The following ARHGEF10L variants were observed in gnomAD, a reference collection of about 807,000 sequenced individuals.
ARHGEF10L encodes rho guanine nucleotide exchange factor 10-like protein.
Under a neutral mutation model 141.2 loss-of-function variants are expected in ARHGEF10L, and 69 were observed. The observed-to-expected ratio is 0.49, with a 90% CI of 0.40 to 0.60. The LOEUF is 0.60. Among genes scored for constraint, ARHGEF10L ranks in the 20% least tolerant of loss-of-function variants. The pLI is 0.00. For missense variants in ARHGEF10L, 1,482 were observed against 1,734.3 expected (o/e 0.85, Z 2.58); for synonymous variants, 711 against 718.5 (o/e 0.99, Z 0.17).
chr1:17,590,912 G>A (rs559989653), intron 4 of ARHGEF10L, among the ~76,000 whole-genome samples: 38 of 152,172 alleles, frequency 2.5e-4, no homozygotes, highest in Non-Finnish European at 4.4e-4. Context: ...GCTTGAACCT[G>A]GGAGGTGGAG....
intron 4 of ARHGEF10L, among the ~76,000 whole-genome samples, chr1:17,600,134 C>T (rs1257265871): frequency 6.6e-6 from 1 of 152,260 alleles, no homozygotes; most frequent in African/African-American, 2.4e-5. Flanking sequence ...GGTTCTTCTA[C>T]TTCCCTGCAG....
intron 1 of ARHGEF10L, among the ~76,000 whole-genome samples, chr1:17,572,646 G>A (rs1357388985): frequency 6.6e-6 from 1 of 152,132 alleles, no homozygotes; most frequent in African/African-American, 2.4e-5. Context: ...CCCTGCCTTG[G>A]GTATGTACCC....
At chr1:17,612,939 C>G in intron 7 of ARHGEF10L, 119 bp from the exon 8 acceptor site, 1 of 691,130 alleles carries the variant, frequency 1.4e-6, no homozygotes, top group South Asian at 1.7e-5. Context: ...CCTGCCCGAG[C>G]TGTCCGTCCG....
chr1:17,648,458 GC>G, intron 21 of ARHGEF10L, 95 bp from the exon 22 acceptor site: 5 of 1,498,892 alleles, frequency 3.3e-6, no homozygotes. Flanking sequence ...GGCTTCTGGG[GC>G]CTGCAGTGGC....
chr1:17,574,978 C>T (rs2078163151), intron 1 of ARHGEF10L, among the ~76,000 whole-genome samples: 1 of 152,220 alleles, frequency 6.6e-6, no homozygotes, highest in South Asian at 2.1e-4. Context: ...GGCCGAAGCC[C>T]CACACAAGCA....
intron 26 of ARHGEF10L, among the ~76,000 whole-genome samples, chr1:17,672,101 C>T (rs866874768): frequency 7.9e-4 from 120 of 152,212 alleles, no homozygotes; most frequent in African/African-American, 2.7e-3. Context: ...CCTCTCATAC[C>T]GGCTCTCATG....
rs1490688298 is a variant in ARHGEF10L, at chr1:17,606,330, G to A, written c.434-1472G>A. Among the ~76,000 whole-genome samples, 4 of 149,854 alleles carry A rather than the reference G, an allele frequency of 2.7e-5. No individual in the cohort carries two copies. The East Asian group carries it at 7.9e-4, about 30-fold the overall frequency. ...TTTTTTTGAGATGTTGTCTCTCTCT[G>A]TCACCCAGGCTGGAGTTCAGTGGCA... On this transcript the variant is annotated intron_variant, in intron 6 of 28. Coordinates refer to ENST00000361221, the MANE Select transcript of ARHGEF10L (RefSeq NM_018125.4).
At chr1:17,555,091 G>A (rs2077257569) in intron 1 of ARHGEF10L, among the ~76,000 whole-genome samples, 1 of 152,216 alleles carries the variant, frequency 6.6e-6, no homozygotes, top group Non-Finnish European at 1.5e-5. Flanking sequence ...CTCTGGGCAA[G>A]GCACGTTACT....
rs370745922 is a variant in ARHGEF10L, at chr1:17,602,212, C to T, written c.343C>T (p.Arg115Cys). Residue 115 changes from arginine (R) to cysteine (C), a missense_variant, in exon 5 of 29, where the codon CGT becomes TGT. This residue lies in a region of ARHGEF10L where 232 missense variants were observed against 225.9 expected (regional missense o/e 1.03). Coordinates refer to ENST00000361221, the MANE Select transcript of ARHGEF10L (RefSeq NM_018125.4). ...CTCCAGCTGGAAGCGGAAGAGTTCC[C>T]GTCGCAGTAAGTCTCCCCTCCGGCC... ...RHSSWKRKSS[R>C]RIDRFTFPAL... 3.1e-5 allele frequency: 49 copies of T among 1,569,060 alleles called. 1 individual carries two copies. Among genetic ancestry groups the T allele is most frequent in the African/African-American group, 2.6e-4 (19 of 73,738 alleles).
chr1:17,624,975 G>A (rs2060303429), intron 13 of ARHGEF10L, among the ~76,000 whole-genome samples: 1 of 152,240 alleles, frequency 6.6e-6, no homozygotes, highest in East Asian at 1.9e-4. Context: ...AGCCTCTGCT[G>A]ATTTCTTTGG....
At chr1:17,665,495 G>T (rs916938628) in intron 26 of ARHGEF10L, among the ~76,000 whole-genome samples, 1 of 152,158 alleles carries the variant, frequency 6.6e-6, no homozygotes, top group African/African-American at 2.4e-5. Flanking sequence ...GAGTCTGGGG[G>T]ATGTGGTCCG....
At chr1:17,608,645 C>T (rs2081390727) in intron 7 of ARHGEF10L, among the ~76,000 whole-genome samples, 3 of 152,212 alleles carry the variant, frequency 2.0e-5, no homozygotes, top group South Asian at 4.1e-4. Flanking sequence ...CACCCATGCT[C>T]CTTCCCTGTT....
chr1:17,517,044 G>T, the ARHGEF10L span, among the ~76,000 whole-genome samples: 1 of 152,274 alleles, frequency 6.6e-6, no homozygotes, highest in South Asian at 2.1e-4. Flanking sequence ...TGGTGCAAAG[G>T]TCGGCAGCCT....
the ARHGEF10L span, among the ~76,000 whole-genome samples, chr1:17,518,750 CCAAGTG>C: frequency 1.3e-4 from 18 of 139,274 alleles, no homozygotes; most frequent in Middle Eastern, 4.3e-3. Context: ...CAAGATTGTT[CCAAGTG>C]GAACCCACTG....
chr1:17,564,756 A>G (rs560589748), intron 1 of ARHGEF10L, among the ~76,000 whole-genome samples: 1 of 152,306 alleles, frequency 6.6e-6, no homozygotes, highest in South Asian at 2.1e-4. Context: ...TAGGAGCTGT[A>G]GGAGTAAAGG....
At chr1:17,679,656 T>C (rs2063963360) in intron 26 of ARHGEF10L, among the ~76,000 whole-genome samples, 1 of 152,224 alleles carries the variant, frequency 6.6e-6, no homozygotes, top group Non-Finnish European at 1.5e-5. Flanking sequence ...GGAGTTGTGC[T>C]AATTGCCTGT....
intron 6 of ARHGEF10L, among the ~76,000 whole-genome samples, chr1:17,606,766 G>A (rs1359401125): frequency 2.0e-5 from 3 of 152,218 alleles, no homozygotes; most frequent in African/African-American, 7.2e-5. Context: ...ATGAAACCCA[G>A]TGGGGCAAAG....
chr1:17,559,015 C>T (rs556633757), intron 1 of ARHGEF10L, among the ~76,000 whole-genome samples: 350 of 152,236 alleles, frequency 2.3e-3, no homozygotes, highest in African/African-American at 7.5e-3. Flanking sequence ...CCACAGGGCC[C>T]GGCCTCAGTT....
intron 15 of ARHGEF10L, among the ~76,000 whole-genome samples, chr1:17,631,603 G>A (rs541825563): frequency 6.7e-4 from 102 of 152,344 alleles, no homozygotes; most frequent in Admixed American, 3.1e-3. Flanking sequence ...CACATACAGG[G>A]CCGGCCTCTC....
Sources: allele counts gnomAD v4.1 joint callset (sites outside exome capture counted in the v4.1 genomes callset), GRCh38; gene constraint gnomAD v4.1.1; regional missense constraint gnomAD v4.1.1; transcripts MANE v1.5; gene names NCBI Gene and HGNC (gene_info 2026-07-23, HGNC 2026-07-21).